The following NTM variants were observed in gnomAD, a reference collection of about 807,000 sequenced individuals.
NTM encodes the protein neurotrimin, also known as IgLON family member 2.
Under a neutral mutation model 42.1 loss-of-function variants are expected in NTM, and 13 were observed. That is an observed-to-expected ratio of 0.31 (90% confidence interval 0.20 to 0.49). The LOEUF is 0.49. Among genes scored for constraint, NTM ranks in the 20% least tolerant of loss-of-function variants. NTM has a pLI of 0.99. For missense variants in NTM, 373 were observed against 452.8 expected (o/e 0.82, Z 1.60); for synonymous variants, 187 against 179.2 (o/e 1.04, Z -0.35).
chr11:132,299,683 C>A (rs1345334292), intron 4 of NTM, among the ~76,000 whole-genome samples: 1 of 152,156 alleles, frequency 6.6e-6, no homozygotes, highest in African/African-American at 2.4e-5. Flanking sequence ...ATTCAGCTGT[C>A]CCATTTCCCA....
chr11:131,930,903 G>A (rs569808634), intron 2 of NTM, among the ~76,000 whole-genome samples: 1 of 152,120 alleles, frequency 6.6e-6, no homozygotes, highest in Non-Finnish European at 1.5e-5. Context: ...GTCATTTCAG[G>A]TAATTAACTG....
chr11:131,616,775 G>GA (rs2061975588), intron 1 of NTM, among the ~76,000 whole-genome samples: 2 of 144,614 alleles, frequency 1.4e-5, no homozygotes, highest in African/African-American at 5.2e-5. Context: ...ACTGTCTTGA[G>GA]GGGGTGTGTG....
At chr11:132,292,509 A>T (rs1289434021) in intron 4 of NTM, among the ~76,000 whole-genome samples, 2 of 152,096 alleles carry the variant, frequency 1.3e-5, no homozygotes, top group African/African-American at 4.8e-5. Context: ...GAAGAGCATG[A>T]AGAAGGGGAA....
chr11:131,643,126 A>G (rs1421890677), intron 1 of NTM, among the ~76,000 whole-genome samples: 2 of 151,974 alleles, frequency 1.3e-5, no homozygotes, highest in Non-Finnish European at 2.9e-5. Context: ...TTCAATTCCT[A>G]TTACAGAAGC....
intron 1 of NTM, among the ~76,000 whole-genome samples, chr11:131,615,307 G>A (rs1316371712): frequency 6.6e-6 from 1 of 152,160 alleles, no homozygotes; most frequent in East Asian, 1.9e-4. Context: ...CAGGCGAAGT[G>A]AAGGGGCCTT....
chr11:131,484,245 C>T (rs1953918089), intron 1 of NTM, among the ~76,000 whole-genome samples: 1 of 152,078 alleles, frequency 6.6e-6, no homozygotes, highest in South Asian at 2.1e-4. Flanking sequence ...TACTGAATTC[C>T]TCTTATTGGT....
At chr11:132,092,013 C>G (rs201591787) in intron 2 of NTM, among the ~76,000 whole-genome samples, 2 of 152,204 alleles carry the variant, frequency 1.3e-5, no homozygotes, top group East Asian at 1.9e-4. Context: ...TTCCCTTCCA[C>G]CTTCAATCCT....
At chr11:131,418,503 G>A (rs1947173800) in intron 1 of NTM, among the ~76,000 whole-genome samples, 3 of 152,142 alleles carry the variant, frequency 2.0e-5, no homozygotes, top group Admixed American at 2.0e-4. Context: ...TCAAAGACTG[G>A]GCTTTAAGGA....
intron 1 of NTM, among the ~76,000 whole-genome samples, chr11:131,472,593 T>C (rs1952541618): frequency 6.6e-6 from 1 of 152,088 alleles, no homozygotes; most frequent in South Asian, 2.1e-4. Flanking sequence ...AAATGTTAGG[T>C]GCCTTAAGAA....
intron 1 of NTM, among the ~76,000 whole-genome samples, chr11:131,449,098 G>C (rs907497737): frequency 1.3e-5 from 2 of 152,200 alleles, no homozygotes; most frequent in African/African-American, 4.8e-5. Context: ...AGAAGGGAGG[G>C]TCTCTGGTGC....
At chr11:131,640,613 A>G (rs755259489) in intron 1 of NTM, among the ~76,000 whole-genome samples, 1 of 152,176 alleles carries the variant, frequency 6.6e-6, no homozygotes, top group Non-Finnish European at 1.5e-5. Flanking sequence ...CCACACTTGC[A>G]GGATGTCTCA....
At chr11:132,083,121 A>G (rs866573832) in intron 2 of NTM, among the ~76,000 whole-genome samples, 3 of 152,176 alleles carry the variant, frequency 2.0e-5, no homozygotes, top group Non-Finnish European at 2.9e-5. Context: ...TCAGATTTTT[A>G]TATTACCCAT....
intron 4 of NTM, among the ~76,000 whole-genome samples, chr11:132,278,343 G>A (rs1206458778): frequency 6.6e-6 from 1 of 152,196 alleles, no homozygotes; most frequent in Non-Finnish European, 1.5e-5. Flanking sequence ...GCCTCAGTTG[G>A]AAAGACCTGA....
At chr11:132,240,972 C>T (rs2090091780) in intron 4 of NTM, among the ~76,000 whole-genome samples, 1 of 152,194 alleles carries the variant, frequency 6.6e-6, no homozygotes, top group African/African-American at 2.4e-5. Flanking sequence ...CCACACCTGA[C>T]TTCATGTGAG....
At chr11:131,842,993 A>G (rs11825333) in intron 1 of NTM, among the ~76,000 whole-genome samples, 20,598 of 152,098 alleles carry the variant, frequency 0.14, 1,666 homozygotes, top group African/African-American at 0.22. Context: ...CTGGGTGATA[A>G]AGCAAGACTT....
At chr11:131,541,217 C>A (rs2053195141) in intron 1 of NTM, among the ~76,000 whole-genome samples, 1 of 152,194 alleles carries the variant, frequency 6.6e-6, no homozygotes, top group African/African-American at 2.4e-5. Flanking sequence ...TAATTTAGGA[C>A]TTAAAGTGAC....
chr11:131,778,922 T>C (rs939113664), intron 1 of NTM, among the ~76,000 whole-genome samples: 4 of 152,228 alleles, frequency 2.6e-5, no homozygotes, highest in African/African-American at 9.6e-5. Context: ...ACATGGCAAA[T>C]GCCGGTGGGA....
intron 1 of NTM, among the ~76,000 whole-genome samples, chr11:131,734,585 C>T (rs925023325): frequency 6.6e-6 from 1 of 152,112 alleles, no homozygotes; most frequent in Non-Finnish European, 1.5e-5. Flanking sequence ...TGCCTGCTTC[C>T]ACCCCTGACT....
At chr11:131,820,743 A>G (rs921441368) in intron 1 of NTM, among the ~76,000 whole-genome samples, 2 of 152,236 alleles carry the variant, frequency 1.3e-5, no homozygotes, top group African/African-American at 4.8e-5. Flanking sequence ...TACCAGGTGT[A>G]TTTCACGATC....
Sources: gnomAD v4.1 joint callset for allele counts (sites outside exome capture counted in the v4.1 genomes callset) on GRCh38, gnomAD v4.1.1 for gene constraint, MANE v1.5 for transcripts, NCBI Gene and HGNC (gene_info 2026-07-23, HGNC 2026-07-21) for gene names.